The following UBE3C variants were observed in gnomAD, a reference collection of about 807,000 sequenced individuals.
UBE3C encodes ubiquitin-protein ligase E3C.
In UBE3C, 42 loss-of-function variants were observed where a neutral mutation model predicts 129.4. The ratio of observed to expected loss-of-function variants is 0.32; its 90% CI spans 0.25 to 0.42. The LOEUF (loss-of-function observed/expected upper bound fraction) is 0.42, where lower values mean the gene tolerates loss of function less well. Ranked by LOEUF, UBE3C falls within the 10% of genes least tolerant of loss-of-function variation. The pLI is 1.00. For missense variants in UBE3C, 1,049 were observed against 1,319.1 expected (o/e 0.80, Z 3.17); for synonymous variants, 510 against 492.4 (o/e 1.04, Z -0.47).
chr7:157,166,718 G>A (rs1342198308), intron 2 of UBE3C, among the ~76,000 whole-genome samples: 1 of 140,066 alleles, frequency 7.1e-6, no homozygotes, highest in African/African-American at 2.8e-5. Context: ...CCAGCCTGGA[G>A]TGAAACTCCG....
chr7:157,206,152 T>C (rs1368408514), intron 11 of UBE3C, among the ~76,000 whole-genome samples: 1 of 152,224 alleles, frequency 6.6e-6, no homozygotes, highest in Non-Finnish European at 1.5e-5. Context: ...AGCTTGCAGG[T>C]GAGCCTATTA....
chr7:157,171,686 A>ATTTTTT (rs77471740), intron 4 of UBE3C, among the ~76,000 whole-genome samples: 1 of 37,634 alleles, frequency 2.7e-5, no homozygotes, highest in African/African-American at 8.7e-5. Flanking sequence ...ATATATATAT[A>ATTTTTT]TTTTTTTTTT....
intron 11 of UBE3C, among the ~76,000 whole-genome samples, chr7:157,203,561 A>C (rs1809348916): frequency 6.6e-6 from 1 of 152,234 alleles, no homozygotes; most frequent in Non-Finnish European, 1.5e-5. Context: ...ACACTGTCAT[A>C]GTTCTGCCTG....
intron 11 of UBE3C, 75 bp downstream of exon 11, chr7:157,201,882 A>C: frequency 7.8e-7 from 1 of 1,285,932 alleles, no homozygotes; most frequent in Non-Finnish European, 1.1e-6. Flanking sequence ...TGTTGCCAGA[A>C]CCTGTTTTTA....
chr7:157,172,698 G>A (rs1586661839), intron 4 of UBE3C, among the ~76,000 whole-genome samples: 2 of 152,160 alleles, frequency 1.3e-5, no homozygotes, highest in Admixed American at 6.5e-5. Context: ...CTTGCTTTCT[G>A]AAGTTGTTGA....
chr7:157,233,234 C>T (rs1172991488), intron 18 of UBE3C, among the ~76,000 whole-genome samples: 1 of 152,100 alleles, frequency 6.6e-6, no homozygotes, highest in Non-Finnish European at 1.5e-5. Context: ...TATGTCAGAG[C>T]TTCACTCATT....
chr7:157,192,923 C>T, intron 10 of UBE3C: 1 of 658,138 alleles, frequency 1.5e-6, no homozygotes, highest in Non-Finnish European at 2.7e-6. Context: ...ATGCCACTTT[C>T]CCCCATTTTA....
chr7:157,200,291 A>G (rs951546398), intron 10 of UBE3C, among the ~76,000 whole-genome samples: 2 of 149,302 alleles, frequency 1.3e-5, no homozygotes, highest in Non-Finnish European at 2.9e-5. Context: ...AAAATGCATT[A>G]CATTAAAATA....
In UBE3C at chr7:157,174,773, G is replaced by A. The variant is rs142821479; in HGVS notation, c.343-146G>A. On this transcript the variant is annotated intron_variant, in intron 4 of 22. Coordinates refer to ENST00000348165, the MANE Select transcript of UBE3C (RefSeq NM_014671.3). ...AATGCACATACCTCTAAATAAAACCGACTTAGAATATTTACTTCTTAACCA... is the reference window on the plus strand; with the variant it reads ...AATGCACATACCTCTAAATAAAACCAACTTAGAATATTTACTTCTTAACCA... 5.1e-3 allele frequency: 3,001 copies of A among 590,110 alleles called. 56 individuals are homozygous for A. Among genetic ancestry groups the A allele is most frequent in the African/African-American group, 0.049 (2,560 of 52,354 alleles). The allele number at this position is 590,110 out of a possible 1,614,324, so 36.6% of individuals were successfully genotyped here. A position where few individuals can be genotyped will look rare whatever the true frequency, so the allele number is the denominator to read the frequency against.
At chr7:157,221,018 A>G in intron 15 of UBE3C, 1 of 429,586 alleles carries the variant, frequency 2.3e-6, no homozygotes, top group Non-Finnish European at 4.3e-6. Context: ...AAGGCCTCCA[A>G]AGGGAACCAT....
rs539127117 is a variant in UBE3C, at chr7:157,210,674, G to A, written c.1809+2739G>A. Among the ~76,000 whole-genome samples the A allele has an allele frequency of 8.5e-5, 13 of 152,338 alleles. No homozygotes were observed. The South Asian group carries it at 2.5e-3, about 29-fold the overall frequency. On this transcript the variant is annotated intron_variant, in intron 13 of 22. Transcript: ENST00000348165. The stretch of plus-strand genomic sequence containing the variant: ...CATATTATTGTTGTGCCAAATTTGA[G>A]TTGAAGAATTCGAGGTAGAATCAAC...
intron 17 of UBE3C, among the ~76,000 whole-genome samples, chr7:157,229,572 C>G (rs59205261): frequency 0.021 from 3,188 of 152,178 alleles, 103 homozygotes; most frequent in African/African-American, 0.073. Flanking sequence ...CTGCCTTGGC[C>G]TCCCAAAGTG....
chr7:157,195,025 C>T (rs1261813658), intron 10 of UBE3C, among the ~76,000 whole-genome samples: 1 of 152,202 alleles, frequency 6.6e-6, no homozygotes, highest in Non-Finnish European at 1.5e-5. Flanking sequence ...AAGAGATTCA[C>T]TGTCAGGACA....
At chr7:157,242,828 G>A (rs1833097) in intron 18 of UBE3C, among the ~76,000 whole-genome samples, 11 of 152,072 alleles carry the variant, frequency 7.2e-5, no homozygotes, top group East Asian at 5.8e-4. Flanking sequence ...AGGCCAAGGC[G>A]GGAGAATCAC....
intron 13 of UBE3C, among the ~76,000 whole-genome samples, chr7:157,208,766 C>T (rs1302813115): frequency 6.6e-6 from 1 of 152,096 alleles, no homozygotes; most frequent in African/African-American, 2.4e-5. Flanking sequence ...AGGAAACCAC[C>T]ACCAGTGAGA....
intron 1 of UBE3C, among the ~76,000 whole-genome samples, chr7:157,163,089 A>G (rs964256248): frequency 2.6e-5 from 4 of 152,136 alleles, no homozygotes; most frequent in African/African-American, 9.7e-5. Flanking sequence ...GCTGTTAGAA[A>G]TGATACCCAG....
intron 14 of UBE3C, among the ~76,000 whole-genome samples, chr7:157,220,113 AG>A (rs1208343163): frequency 6.6e-6 from 1 of 152,152 alleles, no homozygotes; most frequent in Non-Finnish European, 1.5e-5. Flanking sequence ...CAGGAGGCTG[AG>A]GTGGGAGGAT....
chr7:157,204,152 T>C (rs1809364956), intron 11 of UBE3C, among the ~76,000 whole-genome samples: 1 of 152,144 alleles, frequency 6.6e-6, no homozygotes, highest in Non-Finnish European at 1.5e-5. Flanking sequence ...CCATTGTAAG[T>C]CAGGCACCAT....
At chr7:157,197,233 A>G (rs1294890291) in intron 10 of UBE3C, among the ~76,000 whole-genome samples, 2 of 152,238 alleles carry the variant, frequency 1.3e-5, no homozygotes, top group Admixed American at 6.5e-5. Flanking sequence ...CTGTTAGTCA[A>G]TGCTGCATCA....
Sources: gnomAD v4.1 joint callset for allele counts (sites outside exome capture counted in the v4.1 genomes callset) on GRCh38, gnomAD v4.1.1 for gene constraint, MANE v1.5 for transcripts, NCBI Gene and HGNC (gene_info 2026-07-23, HGNC 2026-07-21) for gene names.